Variants in NCKAP1 observed in about 807,000 individuals in gnomAD.
The protein encoded by NCKAP1 is NCK associated protein 1.
A neutral mutation model predicts 151.2 loss-of-function variants in NCKAP1; 21 were observed. That is an observed-to-expected ratio of 0.14 (90% CI 0.10 to 0.20). The LOEUF (loss-of-function observed/expected upper bound fraction) is 0.20. Among genes scored for constraint, NCKAP1 ranks in the 10% least tolerant of loss-of-function variants. The pLI, the probability that NCKAP1 is intolerant of heterozygous loss-of-function variation, is 1.00. For missense variants in NCKAP1, 933 were observed against 1,352.1 expected (o/e 0.69, Z 4.86); for synonymous variants, 484 against 451.8 (o/e 1.07, Z -0.90).
Position 182,956,471 on chromosome 2 carries a change from C to T in NCKAP1, c.2144G>A (p.Arg715His), listed in dbSNP as rs1454780953. ...CAATATTCTTTCTTACTTGGTAAAG[C>T]GTATTTCCAGATGAGAAGTCAAATA... ...REYLTSHLEI[R>H]FTKSIVGMTM... is the part of the protein sequence containing the mutation. Residue 715 changes from arginine to histidine, a missense_variant, in exon 20 of 31, where the codon CGC (arginine) becomes CAC (histidine). Around this residue, in one of 2 missense-constraint regions of NCKAP1, gnomAD observed 326 missense variants for 557.1 expected, o/e 0.59. Coordinates refer to ENST00000361354, the MANE Select transcript of NCKAP1 (RefSeq NM_013436.5). The T allele has an allele frequency of 6.8e-6, 11 of 1,609,470 alleles. No individual in the cohort carries two copies. Among genetic ancestry groups the T allele is most frequent in the Non-Finnish European group, 9.3e-6 (11 of 1,178,184 alleles).
At chr2:182,995,305 G>A (rs1698247430) in intron 7 of NCKAP1, among the ~76,000 whole-genome samples, 1 of 152,052 alleles carries the variant, frequency 6.6e-6, no homozygotes, top group Non-Finnish European at 1.5e-5. Flanking sequence ...CTCCATATGT[G>A]TGACACCTAT....
chr2:182,926,441 G>A (rs1156384737), intron 30 of NCKAP1, among the ~76,000 whole-genome samples: 1 of 151,948 alleles, frequency 6.6e-6, no homozygotes, highest in East Asian at 1.9e-4. Context: ...GAAGTGACTA[G>A]GCACAGAGAA....
chr2:183,013,056 T>C (rs1698618779), intron 2 of NCKAP1, among the ~76,000 whole-genome samples: 1 of 152,164 alleles, frequency 6.6e-6, no homozygotes. Flanking sequence ...GACTCTGATC[T>C]CAACCTGATT....
intron 1 of NCKAP1, among the ~76,000 whole-genome samples, chr2:183,032,661 T>C (rs1699026867): frequency 1.3e-5 from 2 of 152,228 alleles, no homozygotes; most frequent in Admixed American, 6.5e-5. Context: ...GAAATATCAT[T>C]ATGCAGAATG....
chr2:182,995,964 G>T, intron 6 of NCKAP1, 126 bp from the exon 7 acceptor site: 1 of 825,096 alleles, frequency 1.2e-6, no homozygotes, highest in Non-Finnish European at 1.9e-6. Flanking sequence ...TTATACCCAT[G>T]CTCCTTATAA....
At chr2:182,968,756 G>A (rs1038134549) in intron 15 of NCKAP1, among the ~76,000 whole-genome samples, 1 of 152,152 alleles carries the variant, frequency 6.6e-6, no homozygotes, top group Admixed American at 6.5e-5. Flanking sequence ...TTTGTCTTTT[G>A]TCACTGACCC....
At chr2:182,943,249 G>T (rs1242567372) in intron 23 of NCKAP1, among the ~76,000 whole-genome samples, 1 of 152,060 alleles carries the variant, frequency 6.6e-6, no homozygotes, top group African/African-American at 2.4e-5. Flanking sequence ...AAAGTGCCAT[G>T]GTGTTTTTTA....
chr2:182,983,255 C>T (rs765805636), intron 11 of NCKAP1, 31 bp downstream of exon 11: 2 of 1,477,024 alleles, frequency 1.4e-6, no homozygotes, highest in Non-Finnish European at 9.3e-7. Context: ...TAATATGGCA[C>T]AATTATTGAA....
At chr2:182,930,445 C>T (rs1009137067) in intron 27 of NCKAP1, among the ~76,000 whole-genome samples, 1 of 152,010 alleles carries the variant, frequency 6.6e-6, no homozygotes, top group Non-Finnish European at 1.5e-5. Context: ...AAGGCTCAGA[C>T]CTGGATCCTC....
intron 1 of NCKAP1, chr2:183,025,103 C>A: frequency 1.0e-6 from 1 of 975,782 alleles, no homozygotes; most frequent in Non-Finnish European, 1.6e-6. Flanking sequence ...CTATGAATAA[C>A]AGAACAAGAT....
At chr2:183,004,488 C>CAAAAAAAAAAAAAAAAAA (rs34055584) in intron 2 of NCKAP1, among the ~76,000 whole-genome samples, 1 of 78,822 alleles carries the variant, frequency 1.3e-5, no homozygotes, top group Non-Finnish European at 2.8e-5. Flanking sequence ...AAACAGCAAG[C>CAAAAAAAAAAAAAAAAAA]AAAAAAAAAA....
At chr2:183,035,877 G>A (rs1205845584) in intron 1 of NCKAP1, among the ~76,000 whole-genome samples, 4 of 151,672 alleles carry the variant, frequency 2.6e-5, no homozygotes, top group Admixed American at 2.0e-4. Flanking sequence ...TGAAGGCCTC[G>A]AGTATCAGAT....
chr2:183,015,125 A>C (rs1354623225), intron 2 of NCKAP1, among the ~76,000 whole-genome samples: 1 of 152,238 alleles, frequency 6.6e-6, no homozygotes, highest in East Asian at 1.9e-4. Context: ...TGAAGAGGTT[A>C]TGAATATAGT....
At chr2:183,005,880 A>C (rs1467611789) in intron 2 of NCKAP1, among the ~76,000 whole-genome samples, 2 of 152,190 alleles carry the variant, frequency 1.3e-5, no homozygotes, top group Non-Finnish European at 2.9e-5. Context: ...CTATTCCTAA[A>C]GCACTTAGTT....
Position 182,923,063 on chromosome 2 carries a change from T to G in NCKAP1, c.*2639A>C, listed in dbSNP as rs1172568137. The G allele has an allele frequency of 1.3e-5, 2 of 152,146 alleles. No individual in the cohort carries two copies. The highest frequency in any genetic ancestry group is 2.9e-5 in the Non-Finnish European group (2 of 68,030). 9.4% of individuals were successfully genotyped at this position (152,146 alleles called of 1,614,324 possible). ...ACCATCACTAAAATCCAAGCTCAAC[T>G]ATAAAAGGGTCACCTTTTTGCTCAC... On this transcript the variant is annotated 3_prime_UTR_variant, in exon 31 of 31. Transcript: ENST00000361354.
chr2:182,995,173 T>C (rs1698244583), intron 7 of NCKAP1, among the ~76,000 whole-genome samples: 1 of 152,238 alleles, frequency 6.6e-6, no homozygotes, highest in Admixed American at 6.5e-5. Context: ...AACTTATCAA[T>C]TTCTCAAGCC....
At chr2:182,953,569 G>A (rs1173719613) in intron 20 of NCKAP1, among the ~76,000 whole-genome samples, 1 of 152,220 alleles carries the variant, frequency 6.6e-6, no homozygotes, top group African/African-American at 2.4e-5. Flanking sequence ...GGGAGGACGA[G>A]GCGGGCAGAT....
At chr2:183,014,209 G>T (rs890078802) in intron 2 of NCKAP1, among the ~76,000 whole-genome samples, 2 of 152,050 alleles carry the variant, frequency 1.3e-5, no homozygotes, top group African/African-American at 4.8e-5. Flanking sequence ...GCTCAATAAA[G>T]GATTTAAATA....
At chr2:183,012,243 G>A (rs571493448) in intron 2 of NCKAP1, among the ~76,000 whole-genome samples, 2 of 152,298 alleles carry the variant, frequency 1.3e-5, no homozygotes, top group Non-Finnish European at 2.9e-5. Context: ...ACCACAATAA[G>A]AAAGGTCAGA....
Sources: allele counts gnomAD v4.1 joint callset (sites outside exome capture counted in the v4.1 genomes callset), GRCh38; gene constraint gnomAD v4.1.1; regional missense constraint gnomAD v4.1.1; transcripts MANE v1.5; gene names NCBI Gene and HGNC (gene_info 2026-07-23, HGNC 2026-07-21).